The following LRRFIP1 variants were observed in gnomAD, a reference collection of about 807,000 sequenced individuals.
The protein encoded by LRRFIP1 is leucine-rich repeat flightless-interacting protein 1.
Under a neutral mutation model 104.4 loss-of-function variants are expected in LRRFIP1, and 62 were observed. The observed-to-expected ratio is 0.59, with a 90% CI of 0.48 to 0.73. LRRFIP1 has a LOEUF of 0.73. Among genes scored for constraint, LRRFIP1 ranks in the 30% least tolerant of loss-of-function variants. The probability of loss-of-function intolerance (pLI) is 0.00; values close to 1 mark genes in which losing one functional copy is unlikely to be tolerated. For synonymous variants in LRRFIP1, 300 were observed against 299.0 expected (o/e 1.00, Z -0.03); for missense variants, 796 against 824.5 (o/e 0.97, Z 0.42).
chr2:237,728,055 G>T, intron 8 of LRRFIP1, 120 bp downstream of exon 8: 2 of 698,380 alleles, frequency 2.9e-6, no homozygotes, highest in South Asian at 2.0e-5. Context: ...TTTTAAAATC[G>T]GTCTGTCTTT....
Position 237,780,927 on chromosome 2 carries a change from C to A in LRRFIP1, c.*1395C>A, listed in dbSNP as rs1170304429. 6.6e-6 allele frequency among the ~76,000 whole-genome samples: 1 copy of A among 152,138 alleles called. No individual in the cohort carries two copies. Among genetic ancestry groups the A allele is most frequent in the Non-Finnish European group, 1.5e-5 (1 of 68,036 alleles). Reference sequence around the variant, plus strand: ...TGGGAAGCAGACAAGTTATAGGGGGCTGGGGGCCAACACTGGCAAGTAGGA... The same window carrying A: ...TGGGAAGCAGACAAGTTATAGGGGGATGGGGGCCAACACTGGCAAGTAGGA... On this transcript the variant is annotated 3_prime_UTR_variant, in exon 24 of 24. Coordinates refer to ENST00000308482, the MANE Select transcript of LRRFIP1 (RefSeq NM_001137550.2).
intron 19 of LRRFIP1, chr2:237,762,530 T>C: frequency 8.2e-7 from 1 of 1,214,520 alleles, no homozygotes; most frequent in South Asian, 1.5e-5. Flanking sequence ...TTGGAACGTG[T>C]GTTTACATTC....
At chr2:237,756,835 G>A (rs2059320675) in intron 16 of LRRFIP1, among the ~76,000 whole-genome samples, 2 of 152,188 alleles carry the variant, frequency 1.3e-5, no homozygotes, top group Non-Finnish European at 2.9e-5. Context: ...AAGGGCCCCT[G>A]CAGTTGTGAT....
At chr2:237,748,340 T>C in intron 11 of LRRFIP1, 24 bp from the exon 12 acceptor site, 1 of 1,557,152 alleles carries the variant, frequency 6.4e-7, no homozygotes, top group East Asian at 2.2e-5. Context: ...AAGTATTTAA[T>C]ATTTTGTCTG....
rs2117364 is a variant in LRRFIP1, at chr2:237,779,662, C to T, written c.*130C>T. 0.19 allele frequency: 148,137 copies of T among 765,096 alleles called. 16,126 individuals are homozygous for T. Among genetic ancestry groups the T allele is most frequent in the East Asian group, 0.43 (13,831 of 32,118 alleles). 47.4% of individuals were successfully genotyped at this position (765,096 alleles called of 1,614,324 possible). A position where few individuals can be genotyped will look rare whatever the true frequency, so the allele number is the denominator to read the frequency against. On this transcript the variant is annotated 3_prime_UTR_variant, in exon 24 of 24. Transcript: ENST00000308482. ...GACGAAGACCGTGGCGAGCTTGGCG[C>T]TTAGGGGCTCCCGTGCCATGGCTCA...
chr2:237,690,705 C>G (rs2149739891), intron 1 of LRRFIP1, among the ~76,000 whole-genome samples: 2 of 148,898 alleles, frequency 1.3e-5, no homozygotes, highest in South Asian at 2.1e-4. Flanking sequence ...CCATTGCACT[C>G]CAGCCTGGGC....
At chr2:237,749,122 G>C in intron 12 of LRRFIP1, 77 bp from the exon 13 acceptor site, 1 of 1,478,622 alleles carries the variant, frequency 6.8e-7, no homozygotes, top group Non-Finnish European at 9.2e-7. Context: ...GGATTATGGG[G>C]ATTACAATTC....
chr2:237,772,120 A>C lies in LRRFIP1; in HGVS notation c.1549A>C (p.Ile517Leu). The change falls in exon 21 of 24, where the codon ATT becomes CTT. Residue 517 changes from isoleucine (I) to leucine (L), a missense_variant. Ile to Leu is a conservative substitution (Grantham distance 5). Transcript: ENST00000308482. ...AGGGCAGCTGGAGGAGAGACAGAAG[A>C]TTGGCAAACTAGACAATCTTCGATC... is the stretch of plus-strand genomic sequence containing the variant. ...LKGQLEERQK[I>L]GKLDNLRSED... 1 of 1,613,966 alleles carries C rather than the reference A, an allele frequency of 6.2e-7. No homozygotes were observed.
At chr2:237,742,970 C>T (rs1367747457) in intron 11 of LRRFIP1, among the ~76,000 whole-genome samples, 1 of 151,984 alleles carries the variant, frequency 6.6e-6, no homozygotes, top group Non-Finnish European at 1.5e-5. Context: ...ACTTCTTGTG[C>T]TTCCCCTGGA....
chr2:237,753,227 GTT>G (rs3832061), intron 14 of LRRFIP1, 80 bp from the exon 15 acceptor site: 6 of 1,087,332 alleles, frequency 5.5e-6, no homozygotes, highest in Admixed American at 5.8e-5. Flanking sequence ...AGGACTGAGG[GTT>G]TTTTTTTAAC....
At chr2:237,721,045 G>T (rs528858669) in intron 6 of LRRFIP1, 1 of 503,302 alleles carries the variant, frequency 2.0e-6, no homozygotes, top group Non-Finnish European at 3.6e-6. Flanking sequence ...TCTTTCTCCC[G>T]AGATGAAGTC....
rs78955348 is a variant in LRRFIP1, at chr2:237,645,932, C to A, written c.96+18192C>A. 7.8e-3 allele frequency among the ~76,000 whole-genome samples: 1,190 copies of A among 152,054 alleles called. 19 individuals carry two copies. The highest frequency in any genetic ancestry group is 0.028 in the African/African-American group (1,150 of 41,552). ...CGCTGCAAATGGACTGGTCCCTAAG[C>A]TCTGGCCTGCTTCTCCACTCCTGTG... On this transcript the variant is annotated intron_variant, in intron 1 of 23. Transcript: ENST00000308482.
At chr2:237,740,961 G>A (rs947789966) in intron 11 of LRRFIP1, among the ~76,000 whole-genome samples, 5 of 152,192 alleles carry the variant, frequency 3.3e-5, no homozygotes, top group Non-Finnish European at 5.9e-5. Flanking sequence ...CAACGCCAGC[G>A]CCTCTTTCTC....
chr2:237,720,257 T>A (rs1461560136), intron 5 of LRRFIP1, among the ~76,000 whole-genome samples: 1 of 150,344 alleles, frequency 6.7e-6, no homozygotes, highest in South Asian at 2.1e-4. Flanking sequence ...CTGAAATTAC[T>A]TTTTTTTTGA....
At chr2:237,728,028 T>G (rs2094834826) in intron 8 of LRRFIP1, 93 bp downstream of exon 8, 2 of 907,730 alleles carry the variant, frequency 2.2e-6, no homozygotes, top group Non-Finnish European at 1.7e-6. Flanking sequence ...AAATTTAGCT[T>G]CTTTGCTGTT....
At chr2:237,772,605 T>C (rs2060746749) in intron 21 of LRRFIP1, 5 of 540,998 alleles carry the variant, frequency 9.2e-6, no homozygotes, top group Admixed American at 3.5e-5. Context: ...CCCCCTACCA[T>C]CTCTTTGTCT....
Position 237,766,026 on chromosome 2 carries a change from C to G in LRRFIP1, c.1460-3917C>G. On this transcript the variant is annotated intron_variant, in intron 19 of 23. Transcript: ENST00000308482. The surrounding 1 kb of genome is among the most constrained non-coding windows in gnomAD (Gnocchi z 4.8). Reference sequence around the variant, plus strand: ...GGGGTTGCTGATTCCTATTGGGGTTCCGTGGAAGACCCACGCCTGATGCCC... The same window carrying G: ...GGGGTTGCTGATTCCTATTGGGGTTGCGTGGAAGACCCACGCCTGATGCCC... 8.4e-6 allele frequency: 5 copies of G among 593,196 alleles called. No homozygotes were observed. Among genetic ancestry groups the G allele is most frequent in the Non-Finnish European group, 1.1e-5 (5 of 471,852 alleles). 36.7% of individuals were successfully genotyped at this position (593,196 alleles called of 1,614,324 possible).
Position 237,739,260 on chromosome 2 carries a change from C to G in LRRFIP1, c.584C>G (p.Ser195Cys), listed in dbSNP as rs2150436566. 3 of 1,565,700 alleles carry G rather than the reference C, an allele frequency of 1.9e-6. No individual in the cohort carries two copies. The highest frequency in any genetic ancestry group is 2.7e-5 in the African/African-American group (2 of 73,820). ...APSEYSGHLNSSSRASSRASS... is the reference protein window; with the variant it reads ...APSEYSGHLNCSSRASSRASS... Reference sequence around the variant, plus strand: ...TCGGAGTACAGCGGCCACCTCAACTCCAGCTCCCGCGCCTCCTCCAGGGCC... The same window carrying G: ...TCGGAGTACAGCGGCCACCTCAACTGCAGCTCCCGCGCCTCCTCCAGGGCC... The change falls in exon 11 of 24, where the codon TCC (serine) becomes TGC (cysteine). Residue 195 changes from serine to cysteine, a missense_variant. Ser to Cys is a moderately radical substitution (Grantham distance 112, BLOSUM62 -1). Coordinates refer to ENST00000308482, the MANE Select transcript of LRRFIP1 (RefSeq NM_001137550.2).
intron 10 of LRRFIP1, among the ~76,000 whole-genome samples, chr2:237,736,262 G>A (rs747807064): frequency 1.3e-5 from 2 of 151,978 alleles, no homozygotes; most frequent in South Asian, 2.1e-4. Flanking sequence ...CGTTTTTGTC[G>A]ACAACTGATT....
Sources: gnomAD v4.1 joint callset for allele counts (sites outside exome capture counted in the v4.1 genomes callset) on GRCh38, gnomAD v4.1.1 for gene constraint, Gnocchi (gnomAD v3.1) non-coding constraint, MANE v1.5 for transcripts, NCBI Gene and HGNC (gene_info 2026-07-23, HGNC 2026-07-21) for gene names.